SPOCK1: variants seen among roughly 807,000 people sequenced by gnomAD.
The protein encoded by SPOCK1 is SPARC (osteonectin), cwcv and kazal like domains proteoglycan 1.
A neutral mutation model predicts 55.3 loss-of-function variants in SPOCK1; 23 were observed. That is an observed-to-expected ratio of 0.42 (90% CI 0.30 to 0.59). SPOCK1 has a LOEUF of 0.59. Among genes scored for constraint, SPOCK1 ranks in the 20% least tolerant of loss-of-function variants. The pLI is 0.22. For missense variants in SPOCK1, 499 were observed against 552.5 expected (o/e 0.90, Z 0.97); for synonymous variants, 226 against 221.0 (o/e 1.02, Z -0.20).
intron 2 of SPOCK1, among the ~76,000 whole-genome samples, chr5:137,346,213 A>G (rs1161725255): frequency 1.3e-5 from 2 of 152,160 alleles, no homozygotes; most frequent in African/African-American, 4.8e-5. Context: ...CCAAAGAATG[A>G]GAAGCCCAGG....
chr5:137,153,203 C>G lies in SPOCK1; in HGVS notation c.233-12509G>C, dbSNP rs113961203. On this transcript the variant is annotated intron_variant, in intron 3 of 10. Transcript: ENST00000394945. ...GAATCCCAAGTCCCCTGACATGTGT[C>G]TGCTGTAAAGGACATGTTCAGTTAA... 1.4e-4 allele frequency among the ~76,000 whole-genome samples: 21 copies of G among 152,336 alleles called. 1 individual carries two copies. The highest frequency in any genetic ancestry group is 4.8e-4 in the African/African-American group (20 of 41,598).
intron 2 of SPOCK1, among the ~76,000 whole-genome samples, chr5:137,394,076 C>T (rs1751787874): frequency 6.6e-6 from 1 of 152,178 alleles, no homozygotes; most frequent in African/African-American, 2.4e-5. Context: ...CTTTCTCAGT[C>T]AGCCAAACCC....
chr5:137,067,707 T>A lies in SPOCK1; in HGVS notation c.589+8A>T. On this transcript the variant is annotated splice_region_variant and intron_variant, in intron 6 of 10. Coordinates refer to ENST00000394945, the MANE Select transcript of SPOCK1 (RefSeq NM_004598.4). ...CCCACGAATTCTCTGAAGGAAACCC[T>A]CACTCACCACTCCTTTCTGCCTTGT... 6.2e-7 allele frequency: 1 copy of A among 1,612,862 alleles called. No individual in the cohort carries two copies. Among genetic ancestry groups the A allele is most frequent in the South Asian group, 1.1e-5 (1 of 91,026 alleles).
intron 7 of SPOCK1, 61 bp downstream of exon 7, chr5:136,992,422 AT>A: frequency 7.8e-7 from 1 of 1,280,288 alleles, no homozygotes; most frequent in Non-Finnish European, 1.1e-6. Context: ...CCCAAATGAT[AT>A]TGCTAACCCT....
intron 2 of SPOCK1, among the ~76,000 whole-genome samples, chr5:137,337,401 T>A (rs1750304552): frequency 6.6e-6 from 1 of 152,144 alleles, no homozygotes; most frequent in Non-Finnish European, 1.5e-5. Context: ...AACACATACT[T>A]CCTATGCGGC....
At chr5:137,353,963 A>G (rs1251165150) in intron 2 of SPOCK1, among the ~76,000 whole-genome samples, 1 of 151,980 alleles carries the variant, frequency 6.6e-6, no homozygotes. Flanking sequence ...TCCCTCCTCA[A>G]CGGCATCACC....
At chr5:137,177,222 G>A (rs1754872503) in intron 3 of SPOCK1, among the ~76,000 whole-genome samples, 1 of 152,190 alleles carries the variant, frequency 6.6e-6, no homozygotes, top group African/African-American at 2.4e-5. Flanking sequence ...TCCTCCCAGA[G>A]AAAATCTACC....
At chr5:137,399,363 T>TTTGTTG (rs140515377) in intron 2 of SPOCK1, among the ~76,000 whole-genome samples, 6,761 of 150,926 alleles carry the variant, frequency 0.045, 191 homozygotes, top group Middle Eastern at 0.11. Context: ...CTCTTTATTG[T>TTTGTTG]TTGTTGTTGT....
intron 2 of SPOCK1, among the ~76,000 whole-genome samples, chr5:137,421,205 T>C (rs371268332): frequency 2.7e-3 from 405 of 152,240 alleles, no homozygotes; most frequent in African/African-American, 8.2e-3. Context: ...CTGAGGAGTG[T>C]TTTACTTCCA....
intron 3 of SPOCK1, among the ~76,000 whole-genome samples, chr5:137,213,610 G>A (rs1474009804): frequency 1.3e-5 from 2 of 152,188 alleles, no homozygotes; most frequent in African/African-American, 4.8e-5. Flanking sequence ...CAGGAGACCT[G>A]GTTCTAGTAC....
chr5:137,298,949 C>A (rs1757539194), intron 2 of SPOCK1, among the ~76,000 whole-genome samples: 1 of 152,100 alleles, frequency 6.6e-6, no homozygotes, highest in Admixed American at 6.5e-5. Context: ...CTGACAATTT[C>A]TGATTTTTAC....
intron 2 of SPOCK1, among the ~76,000 whole-genome samples, chr5:137,438,996 T>G (rs377368535): frequency 6.6e-6 from 1 of 152,032 alleles, no homozygotes; most frequent in Non-Finnish European, 1.5e-5. Flanking sequence ...CACTTTGGAG[T>G]CAGATGCTGG....
chr5:137,219,498 G>A (rs1044070678), intron 3 of SPOCK1, among the ~76,000 whole-genome samples: 2 of 152,160 alleles, frequency 1.3e-5, no homozygotes, highest in Non-Finnish European at 2.9e-5. Flanking sequence ...TCCAGGACTC[G>A]CATTTCTGAA....
chr5:137,494,542 T>C (rs922622098), intron 2 of SPOCK1, among the ~76,000 whole-genome samples: 1 of 152,200 alleles, frequency 6.6e-6, no homozygotes, highest in Admixed American at 6.5e-5. Context: ...CCTTAAACAG[T>C]GTCTGGCACA....
chr5:137,434,480 C>CTTTTTTTTTTTT (rs146762668), intron 2 of SPOCK1, among the ~76,000 whole-genome samples: 769 of 68,290 alleles, frequency 0.011, 48 homozygotes, highest in Middle Eastern at 0.017. Context: ...TCTTTTTTTT[C>CTTTTTTTTTTTT]TTTTTTTTTT....
chr5:137,417,332 C>CTT (rs35711384), intron 2 of SPOCK1, among the ~76,000 whole-genome samples: 3,726 of 117,758 alleles, frequency 0.032, 63 homozygotes, highest in Non-Finnish European at 0.042. Flanking sequence ...TAACCCATTT[C>CTT]TTTTTTTTTT....
intron 5 of SPOCK1, among the ~76,000 whole-genome samples, chr5:137,100,764 T>C (rs1337080969): frequency 6.6e-6 from 1 of 152,058 alleles, no homozygotes; most frequent in Non-Finnish European, 1.5e-5. Context: ...AGCACCTTCC[T>C]GGACAGAATC....
chr5:137,381,704 A>G (rs540136657), intron 2 of SPOCK1, among the ~76,000 whole-genome samples: 1 of 152,318 alleles, frequency 6.6e-6, no homozygotes, highest in East Asian at 1.9e-4. Flanking sequence ...CCAAGGCTGC[A>G]CAGAACAGCT....
chr5:137,083,837 A>G (rs1025900895), intron 5 of SPOCK1, among the ~76,000 whole-genome samples: 8 of 151,950 alleles, frequency 5.3e-5, no homozygotes, highest in Admixed American at 5.2e-4. Context: ...CTGTCCCTCC[A>G]GTGTGACAGG....
Sources: gnomAD v4.1 joint callset for allele counts (sites outside exome capture counted in the v4.1 genomes callset) on GRCh38, gnomAD v4.1.1 for gene constraint, MANE v1.5 for transcripts, NCBI Gene and HGNC (gene_info 2026-07-23, HGNC 2026-07-21) for gene names.